Variants in MON2 observed in about 807,000 individuals in gnomAD.
The protein encoded by MON2 is protein MON2 homolog.
In MON2, 84 loss-of-function variants were observed where a neutral mutation model predicts 208.6. That is an observed-to-expected ratio of 0.40 (90% confidence interval 0.34 to 0.48). The LOEUF is 0.48. Among genes scored for constraint, MON2 ranks in the 20% least tolerant of loss-of-function variants. The pLI, the probability that MON2 is intolerant of heterozygous loss-of-function variation, is 0.59. For missense variants in MON2, 1,611 were observed against 2,015.4 expected (o/e 0.80, Z 3.84); for synonymous variants, 660 against 694.0 (o/e 0.95, Z 0.77).
chr12:62,585,976 T>C (rs2075209203), intron 33 of MON2, among the ~76,000 whole-genome samples: 1 of 152,224 alleles, frequency 6.6e-6, no homozygotes, highest in South Asian at 2.1e-4. Flanking sequence ...CCAATCTGCT[T>C]AGTTAAGCCC....
At chr12:62,510,055 A>C (rs2071316058) in intron 8 of MON2, among the ~76,000 whole-genome samples, 1 of 152,188 alleles carries the variant, frequency 6.6e-6, no homozygotes, top group Admixed American at 6.5e-5. Flanking sequence ...CAAATTGGAT[A>C]ACCTAGAAGA....
intron 22 of MON2, 63 bp downstream of exon 22, chr12:62,547,135 A>C: frequency 8.9e-7 from 1 of 1,117,542 alleles, no homozygotes; most frequent in South Asian, 2.8e-5. Context: ...ATAAAATAAA[A>C]TTAACATCAA....
intron 11 of MON2, among the ~76,000 whole-genome samples, chr12:62,530,316 T>C (rs7298285): frequency 0.023 from 3,468 of 151,362 alleles, 131 homozygotes; most frequent in African/African-American, 0.079. Flanking sequence ...CTGCAAGCTC[T>C]GCCTCCCAGG....
intron 29 of MON2, among the ~76,000 whole-genome samples, chr12:62,568,810 G>C (rs1429868300): frequency 6.6e-6 from 1 of 151,904 alleles, no homozygotes; most frequent in Non-Finnish European, 1.5e-5. Flanking sequence ...ACACCACCAC[G>C]CATGGCTAAT....
At chr12:62,528,203 G>T (rs968616697) in intron 11 of MON2, among the ~76,000 whole-genome samples, 1 of 151,998 alleles carries the variant, frequency 6.6e-6, no homozygotes, top group Non-Finnish European at 1.5e-5. Flanking sequence ...TGTTGAATTG[G>T]CATCTTTTAT....
chr12:62,555,744 G>C (rs1173020297), intron 24 of MON2, among the ~76,000 whole-genome samples: 1 of 150,830 alleles, frequency 6.6e-6, no homozygotes, highest in Non-Finnish European at 1.5e-5. Flanking sequence ...GGGAGGCAGA[G>C]GTTGCAGTGA....
chr12:62,556,276 TCTTAA>T (rs1428861671), intron 25 of MON2, 84 bp downstream of exon 25: 22 of 1,281,688 alleles, frequency 1.7e-5, no homozygotes, highest in Middle Eastern at 4.4e-4. Flanking sequence ...TTAGAGTCTA[TCTTAA>T]CTTAGTCTTT....
intron 25 of MON2, chr12:62,559,774 TA>T (rs11337501): frequency 0.73 from 105,538 of 145,082 alleles, 38,456 homozygotes; most frequent in Middle Eastern, 0.79. Flanking sequence ...TACCATCTCT[TA>T]AAAAAAAAAA....
chr12:62,507,012 G>C (rs531783204), intron 7 of MON2, among the ~76,000 whole-genome samples: 1 of 152,250 alleles, frequency 6.6e-6, no homozygotes, highest in East Asian at 1.9e-4. Context: ...GATATACCAT[G>C]GCTATAAGTA....
intron 29 of MON2, among the ~76,000 whole-genome samples, chr12:62,567,449 G>T (rs2074425988): frequency 6.6e-6 from 1 of 152,092 alleles, no homozygotes; most frequent in Non-Finnish European, 1.5e-5. Context: ...TTTGCCTGTT[G>T]TGTGTTGGCT....
rs922338274 is a variant in MON2 at position 62,506,425 on chromosome 12, T to C, written c.790-1861T>C. On this transcript the variant is annotated intron_variant, in intron 7 of 34. Coordinates refer to ENST00000393630, the MANE Select transcript of MON2 (RefSeq NM_015026.3). ...TATTTATCTGTGTTTTTGGATTTTCTTTCTTGAGAATCTGATTTTTTAAAA... is the reference window on the plus strand; with the variant it reads ...TATTTATCTGTGTTTTTGGATTTTCCTTCTTGAGAATCTGATTTTTTAAAA... 2.0e-5 allele frequency among the ~76,000 whole-genome samples: 3 copies of C among 152,260 alleles called. No homozygotes were observed. In the East Asian group the frequency reaches 5.8e-4, roughly 29 times the overall value.
chr12:62,511,898 T>G (rs2071423179), intron 8 of MON2, among the ~76,000 whole-genome samples: 1 of 152,172 alleles, frequency 6.6e-6, no homozygotes, highest in Non-Finnish European at 1.5e-5. Context: ...GGACTTACAG[T>G]TCCATGTGGC....
intron 32 of MON2, among the ~76,000 whole-genome samples, chr12:62,584,576 G>A (rs2075129118): frequency 6.6e-6 from 1 of 151,950 alleles, no homozygotes; most frequent in African/African-American, 2.4e-5. Flanking sequence ...GGTGGCACGT[G>A]CCTGTAGTCC....
chr12:62,552,320 G>A (rs1005888015), intron 23 of MON2, among the ~76,000 whole-genome samples: 1 of 152,048 alleles, frequency 6.6e-6, no homozygotes, highest in African/African-American at 2.4e-5. Context: ...CAAGTGGGTG[G>A]CTAGTGCAAC....
intron 12 of MON2, among the ~76,000 whole-genome samples, chr12:62,534,542 A>AATATATATATATATATAT (rs71882879): frequency 9.2e-4 from 21 of 22,820 alleles, no homozygotes; most frequent in South Asian, 1.3e-3. Context: ...AAAAAAAAAA[A>AATATATATATATATATAT]ATATATATAT....
chr12:62,505,346 G>A (rs1304114508), intron 7 of MON2, among the ~76,000 whole-genome samples: 1 of 152,172 alleles, frequency 6.6e-6, no homozygotes, highest in Non-Finnish European at 1.5e-5. Context: ...GCATATAGTT[G>A]CTAATTGAAG....
At chr12:62,558,774 T>G (rs1176239841) in intron 25 of MON2, among the ~76,000 whole-genome samples, 3 of 150,944 alleles carry the variant, frequency 2.0e-5, no homozygotes, top group Non-Finnish European at 3.0e-5. Context: ...CTCGGCTCAC[T>G]GAAACCTCTG....
chr12:62,535,970 G>A (rs889814043), intron 14 of MON2, among the ~76,000 whole-genome samples: 1 of 151,892 alleles, frequency 6.6e-6, no homozygotes, highest in Non-Finnish European at 1.5e-5. Context: ...AAGGCTCATT[G>A]GATAAGTATA....
chr12:62,588,216 C>A, intron 34 of MON2, 60 bp downstream of exon 34: 2 of 1,171,658 alleles, frequency 1.7e-6, no homozygotes, highest in Non-Finnish European at 2.5e-6. Context: ...TTGTGATGGA[C>A]TTTTGTCTGT....
Sources: gnomAD v4.1 joint callset for allele counts (sites outside exome capture counted in the v4.1 genomes callset) on GRCh38, gnomAD v4.1.1 for gene constraint, MANE v1.5 for transcripts, NCBI Gene and HGNC (gene_info 2026-07-23, HGNC 2026-07-21) for gene names.